Variants in GABRB2 observed in about 807,000 individuals in gnomAD.
GABRB2 encodes gamma-aminobutyric acid receptor subunit beta-2.
In GABRB2, 16 loss-of-function variants were observed where a neutral mutation model predicts 54.7. The ratio of observed to expected loss-of-function variants is 0.29; its 90% confidence interval spans 0.20 to 0.44. The LOEUF (loss-of-function observed/expected upper bound fraction) is 0.44, where lower values mean the gene tolerates loss of function less well. Among genes scored for constraint, GABRB2 ranks in the 20% least tolerant of loss-of-function variants. GABRB2 has a pLI of 1.00. For missense variants in GABRB2, 355 were observed against 644.0 expected (o/e 0.55, Z 4.86); for synonymous variants, 244 against 233.8 (o/e 1.04, Z -0.40).
chr5:161,377,948 T>C (rs556591075), intron 5 of GABRB2, among the ~76,000 whole-genome samples: 1 of 152,224 alleles, frequency 6.6e-6, no homozygotes, highest in African/African-American at 2.4e-5. Context: ...CATACATATT[T>C]AATACAAATA....
intron 4 of GABRB2, among the ~76,000 whole-genome samples, chr5:161,443,683 C>T (rs570348508): frequency 6.6e-6 from 1 of 152,214 alleles, no homozygotes; most frequent in South Asian, 2.1e-4. Flanking sequence ...TGTTGTTCTC[C>T]TCTGTTTTTT....
intron 4 of GABRB2, among the ~76,000 whole-genome samples, chr5:161,440,037 T>G (rs564107216): frequency 7.0e-6 from 1 of 141,958 alleles, no homozygotes; most frequent in East Asian, 2.0e-4. Flanking sequence ...AAATACTATT[T>G]GCAAGCCTCA....
chr5:161,445,273 A>G (rs1757584832), intron 4 of GABRB2, among the ~76,000 whole-genome samples: 1 of 152,188 alleles, frequency 6.6e-6, no homozygotes, highest in Non-Finnish European at 1.5e-5. Flanking sequence ...GGGAACATAA[A>G]GTTCAGGGTA....
chr5:161,451,463 C>T lies in GABRB2; in HGVS notation c.458+8161G>A, dbSNP rs1043185495. On this transcript the variant is annotated intron_variant, in intron 4 of 9. Coordinates refer to ENST00000393959, the MANE Select transcript of GABRB2 (RefSeq NM_001371727.1). Reference sequence around the variant, plus strand: ...AACAAAATCAGTAGGAGTATATACCCTGAGCCATTTCTTCAACTAATGAGA... The same window carrying T: ...AACAAAATCAGTAGGAGTATATACCTTGAGCCATTTCTTCAACTAATGAGA... Among the ~76,000 whole-genome samples the T allele has an allele frequency of 2.6e-5, 4 of 152,266 alleles. No individual in the cohort carries two copies. The East Asian group carries it at 5.8e-4, about 22-fold the overall frequency.
chr5:161,358,053 T>G (rs1754692456), intron 5 of GABRB2, among the ~76,000 whole-genome samples: 1 of 152,186 alleles, frequency 6.6e-6, no homozygotes, highest in Admixed American at 6.6e-5. Context: ...GAATGCAGAT[T>G]AAGAAGAAGA....
chr5:161,312,648 A>T (rs1389972576), intron 9 of GABRB2, among the ~76,000 whole-genome samples: 1 of 152,224 alleles, frequency 6.6e-6, no homozygotes, highest in Non-Finnish European at 1.5e-5. Flanking sequence ...ATTAGAGCAC[A>T]TCAGTAAAAC....
intron 3 of GABRB2, among the ~76,000 whole-genome samples, chr5:161,498,455 G>C (rs1305893092): frequency 1.3e-5 from 2 of 152,064 alleles, no homozygotes; most frequent in African/African-American, 4.8e-5. Flanking sequence ...TGGTTGAACA[G>C]CTGTCCATGA....
intron 4 of GABRB2, among the ~76,000 whole-genome samples, chr5:161,442,073 A>G (rs1300233529): frequency 1.3e-5 from 2 of 152,182 alleles, no homozygotes; most frequent in Non-Finnish European, 2.9e-5. Flanking sequence ...ACTTAATTGT[A>G]CATTTTAAAA....
intron 3 of GABRB2, among the ~76,000 whole-genome samples, chr5:161,509,482 C>T (rs1196006139): frequency 6.6e-6 from 1 of 151,894 alleles, no homozygotes; most frequent in African/African-American, 2.4e-5. Context: ...TCTGAAAAGT[C>T]TTTTCTGACA....
intron 4 of GABRB2, among the ~76,000 whole-genome samples, chr5:161,422,215 C>T (rs1756872733): frequency 6.6e-6 from 1 of 152,058 alleles, no homozygotes; most frequent in African/African-American, 2.4e-5. Context: ...GGATGTTAAA[C>T]ACAACTTTAT....
At chr5:161,496,846 A>G (rs1458589635) in intron 3 of GABRB2, among the ~76,000 whole-genome samples, 1 of 152,142 alleles carries the variant, frequency 6.6e-6, no homozygotes, top group Non-Finnish European at 1.5e-5. Flanking sequence ...ATTCTTAAAT[A>G]TTACATCTTT....
chr5:161,316,376 G>T (rs78107170), intron 9 of GABRB2, among the ~76,000 whole-genome samples: 1 of 152,122 alleles, frequency 6.6e-6, no homozygotes, highest in African/African-American at 2.4e-5. Context: ...AATATTAGAG[G>T]TGACTTTGTC....
chr5:161,385,664 C>T (rs1755602645), intron 5 of GABRB2, among the ~76,000 whole-genome samples: 1 of 152,026 alleles, frequency 6.6e-6, no homozygotes, highest in Non-Finnish European at 1.5e-5. Context: ...CCATGCCCTG[C>T]GTTAACTACT....
At chr5:161,304,773 A>C (rs1366640392) in intron 9 of GABRB2, among the ~76,000 whole-genome samples, 3 of 152,064 alleles carry the variant, frequency 2.0e-5, no homozygotes, top group African/African-American at 4.8e-5. Context: ...GAATTGTTAC[A>C]TTTAATATTA....
At chr5:161,294,711 T>C (rs1038363606) in intron 9 of GABRB2, among the ~76,000 whole-genome samples, 1 of 152,208 alleles carries the variant, frequency 6.6e-6, no homozygotes, top group Non-Finnish European at 1.5e-5. Context: ...TTAGTTCTAC[T>C]TAGGGCACGC....
chr5:161,376,467 G>GA (rs1011853053), intron 5 of GABRB2, among the ~76,000 whole-genome samples: 45 of 151,734 alleles, frequency 3.0e-4, no homozygotes, highest in African/African-American at 1.1e-3. Context: ...GAAAAGACGA[G>GA]AAAAAAATGC....
intron 3 of GABRB2, among the ~76,000 whole-genome samples, chr5:161,532,727 A>T (rs1193352425): frequency 2.6e-5 from 4 of 152,132 alleles, no homozygotes; most frequent in Non-Finnish European, 5.9e-5. Context: ...TGTAAGAACT[A>T]TCTCATATCT....
At chr5:161,320,790 C>T (rs1375648155) in intron 9 of GABRB2, among the ~76,000 whole-genome samples, 1 of 151,698 alleles carries the variant, frequency 6.6e-6, no homozygotes, top group Non-Finnish European at 1.5e-5. Flanking sequence ...TTGATATATG[C>T]TCTACACAGA....
intron 3 of GABRB2, among the ~76,000 whole-genome samples, chr5:161,478,955 CA>C (rs1317041899): frequency 1.3e-5 from 2 of 152,006 alleles, no homozygotes; most frequent in African/African-American, 4.8e-5. Context: ...AGAGATCTGA[CA>C]GTAGTAAAAA....
Sources: allele counts gnomAD v4.1 joint callset (sites outside exome capture counted in the v4.1 genomes callset), GRCh38; gene constraint gnomAD v4.1.1; transcripts MANE v1.5; gene names NCBI Gene and HGNC (gene_info 2026-07-23, HGNC 2026-07-21).